GPC1: variants seen among roughly 807,000 people sequenced by gnomAD.
GPC1 encodes the protein glypican-1.
In GPC1, 26 loss-of-function variants were observed where a neutral mutation model predicts 51.5. That is an observed-to-expected ratio of 0.50 (90% CI 0.37 to 0.70). The LOEUF (loss-of-function observed/expected upper bound fraction) is 0.70. Among genes scored for constraint, GPC1 ranks in the 30% least tolerant of loss-of-function variants. The pLI is 0.00. For synonymous variants in GPC1, 380 were observed against 348.3 expected (o/e 1.09, Z -1.01); for missense variants, 775 against 800.5 (o/e 0.97, Z 0.38).
chr2:240,439,691 A>C (rs371259579), intron 1 of GPC1, among the ~76,000 whole-genome samples: 81 of 152,198 alleles, frequency 5.3e-4, no homozygotes, highest in African/African-American at 1.9e-3. Flanking sequence ...AGAGCCCACC[A>C]GCATCTGCTT....
intron 1 of GPC1, among the ~76,000 whole-genome samples, chr2:240,438,331 G>A (rs1349504005): frequency 1.3e-5 from 2 of 152,190 alleles, no homozygotes; most frequent in Admixed American, 6.5e-5. Context: ...AGCCACGTGG[G>A]CTGAGGGAAA....
chr2:240,442,045 C>T lies in GPC1; in HGVS notation c.166+5961C>T, dbSNP rs576545106. Among the ~76,000 whole-genome samples, 5 of 152,292 alleles carry T rather than the reference C, an allele frequency of 3.3e-5. No homozygotes were observed. The South Asian group carries it at 1.0e-3, about 32-fold the overall frequency. ...AGGGCCAGGCCAGCCTCACACCATC[C>T]CCTCTCCTGCCTGTGGCCTCAGCTC... On this transcript the variant is annotated intron_variant, in intron 1 of 8. Transcript: ENST00000264039.
chr2:240,464,109 C>A (rs914665315), intron 4 of GPC1: 2 of 207,162 alleles, frequency 9.7e-6, no homozygotes, highest in Admixed American at 1.0e-4. Context: ...ACGGGGCCAA[C>A]AGGTGTGTGC....
chr2:240,463,662 AGGGT>A (rs2151796785), intron 4 of GPC1, 150 bp downstream of exon 4: 1 of 644,970 alleles, frequency 1.6e-6, no homozygotes, highest in Non-Finnish European at 2.7e-6. Context: ...GTGGTGCTGC[AGGGT>A]TGAGGGGCCA....
chr2:240,457,723 TCCTGGC>T (rs1295312569), intron 1 of GPC1, among the ~76,000 whole-genome samples: 1 of 152,090 alleles, frequency 6.6e-6, no homozygotes, highest in Non-Finnish European at 1.5e-5. Context: ...TCGGTCCCGG[TCCTGGC>T]TCCCTCTCCT....
intron 2 of GPC1, among the ~76,000 whole-genome samples, chr2:240,460,639 C>T (rs1021711404): frequency 6.6e-6 from 1 of 152,220 alleles, no homozygotes; most frequent in African/African-American, 2.4e-5. Flanking sequence ...CCGCCGCCCT[C>T]CCTCTGCTGC....
At chr2:240,455,821 A>ACCTGTGG (rs1274984518) in intron 1 of GPC1, among the ~76,000 whole-genome samples, 1 of 152,148 alleles carries the variant, frequency 6.6e-6, no homozygotes, top group Non-Finnish European at 1.5e-5. Flanking sequence ...CAGGACCACA[A>ACCTGTGG]CCTGTGGCCC....
At chr2:240,437,547 G>GC (rs1260992554) in intron 1 of GPC1, among the ~76,000 whole-genome samples, 1 of 152,088 alleles carries the variant, frequency 6.6e-6, no homozygotes, top group Non-Finnish European at 1.5e-5. Flanking sequence ...TTTCCAGGCT[G>GC]CCCCCCTCAC....
At position 240,462,171 on chromosome 2, in the gene GPC1, C is replaced by A. The variant is rs368318066; in HGVS notation, c.326-20C>A. On this transcript the variant is annotated intron_variant, in intron 2 of 8. Transcript: ENST00000264039. ...GGCGGGGGAAACATGGTCCCGATCACGCCCCCTCCCTGTGCGCAGACCACT... is the reference window on the plus strand; with the variant it reads ...GGCGGGGGAAACATGGTCCCGATCAAGCCCCCTCCCTGTGCGCAGACCACT... 64 of 1,549,304 alleles carry A rather than the reference C, an allele frequency of 4.1e-5. No individual in the cohort carries two copies. The highest frequency in any genetic ancestry group is 5.5e-5 in the Non-Finnish European group (63 of 1,144,176).
chr2:240,451,176 G>A (rs1289193911), intron 1 of GPC1: 2 of 471,124 alleles, frequency 4.2e-6, no homozygotes, highest in South Asian at 1.5e-5. Flanking sequence ...TCCCTCCAGA[G>A]GCACCCAAGG....
chr2:240,458,763 G>T (rs1270684200), intron 1 of GPC1: 3 of 439,718 alleles, frequency 6.8e-6, no homozygotes, highest in Non-Finnish European at 1.2e-5. Context: ...AGGCTGGGGG[G>T]CAGGACTTGC....
chr2:240,465,251 C>T (rs757709030), intron 7 of GPC1, 41 bp downstream of exon 7: 8 of 1,567,536 alleles, frequency 5.1e-6, no homozygotes, highest in Admixed American at 1.8e-5. Context: ...CCTCCCATGC[C>T]GCCTCCATTG....
chr2:240,458,916 C>T, intron 1 of GPC1, 114 bp from the exon 2 acceptor site: 10 of 979,310 alleles, frequency 1.0e-5, no homozygotes, highest in Admixed American at 2.2e-5. Flanking sequence ...CTGGCCCACC[C>T]CTGAGCTGTG....
chr2:240,453,151 C>T (rs4423588), intron 1 of GPC1: 2,653 of 252,882 alleles, frequency 0.01, 35 homozygotes, highest in Middle Eastern at 0.033. Context: ...TCTGTCCCAT[C>T]CTCCGCTCCG....
intron 1 of GPC1, chr2:240,456,775 G>A (rs1052472630): frequency 1.1e-5 from 4 of 373,486 alleles, no homozygotes; most frequent in African/African-American, 8.4e-5. Context: ...CCACGGGGGT[G>A]GGACTGGGGC....
intron 1 of GPC1, among the ~76,000 whole-genome samples, chr2:240,446,352 A>T (rs1175620021): frequency 6.6e-6 from 1 of 152,264 alleles, no homozygotes; most frequent in Non-Finnish European, 1.5e-5. Flanking sequence ...AGCTGCAGAC[A>T]GAGCCCTTGC....
At chr2:240,445,842 T>G (rs756069210) in intron 1 of GPC1, among the ~76,000 whole-genome samples, 6 of 152,184 alleles carry the variant, frequency 3.9e-5, no homozygotes, top group Non-Finnish European at 5.9e-5. Context: ...CGGCGTCCTC[T>G]CACTGTGACT....
In GPC1 at chr2:240,435,896, C is replaced by T; in HGVS notation, c.-23C>T. ...ATCCGAGAGAGGCGCGGGCGGGTGG[C>T]CGGGGGCGCCGCCGGCCCCGCCATG... On this transcript the variant is annotated 5_prime_UTR_variant, in exon 1 of 9. Transcript: ENST00000264039. The T allele has an allele frequency of 4.1e-6, 5 of 1,224,394 alleles. No homozygotes were observed. Among genetic ancestry groups the T allele is most frequent in the Non-Finnish European group, 5.1e-6 (5 of 981,026 alleles). The allele number at this position is 1,224,394 out of a possible 1,614,324, so 75.8% of individuals were successfully genotyped here.
chr2:240,455,975 G>GCGTC (rs2074156910), intron 1 of GPC1: 1 of 422,920 alleles, frequency 2.4e-6, no homozygotes. Flanking sequence ...CGCCCGCCTT[G>GCGTC]CGTCCAGCCT....
Sources: allele counts gnomAD v4.1 joint callset (sites outside exome capture counted in the v4.1 genomes callset), GRCh38; gene constraint gnomAD v4.1.1; transcripts MANE v1.5; gene names NCBI Gene and HGNC (gene_info 2026-07-23, HGNC 2026-07-21).